The following INTS9 variants were observed in gnomAD, a reference collection of about 807,000 sequenced individuals.
INTS9 encodes protein related to CPSF subunits of 74 kDa.
A neutral mutation model predicts 79.7 loss-of-function variants in INTS9; 55 were observed. That is an observed-to-expected ratio of 0.69 (90% CI 0.56 to 0.86). The LOEUF (loss-of-function observed/expected upper bound fraction) is 0.86, where lower values mean the gene tolerates loss of function less well. Among genes scored for constraint, INTS9 ranks in the 40% least tolerant of loss-of-function variants. The pLI is 0.00. For missense variants in INTS9, 721 were observed against 831.5 expected, an observed-to-expected ratio of 0.87 and a Z score of 1.64; for synonymous variants, 319 against 325.2, an observed-to-expected ratio of 0.98 and a Z score of 0.20.
At chr8:28,841,530 T>G (rs755787204) in intron 4 of INTS9, among the ~76,000 whole-genome samples, 5 of 152,158 alleles carry the variant, frequency 3.3e-5, no homozygotes, top group Non-Finnish European at 7.3e-5. Flanking sequence ...CAAGAGTGTA[T>G]GCTTACATAA....
At chr8:28,777,090 T>C in intron 13 of INTS9, among the ~76,000 whole-genome samples, 1 of 152,124 alleles carries the variant, frequency 6.6e-6, no homozygotes, top group East Asian at 1.9e-4. Flanking sequence ...CTGTTTCCTG[T>C]TCCCCTGCCT....
chr8:28,866,209 G>A (rs182564431), intron 1 of INTS9, among the ~76,000 whole-genome samples: 7 of 152,130 alleles, frequency 4.6e-5, no homozygotes, highest in Non-Finnish European at 7.4e-5. Flanking sequence ...CATGTTACAC[G>A]ATTTTCTGAA....
At chr8:28,848,558 A>C (rs936803699) in intron 3 of INTS9, among the ~76,000 whole-genome samples, 1 of 152,228 alleles carries the variant, frequency 6.6e-6, no homozygotes, top group Admixed American at 6.5e-5. Context: ...TGTACCTGCC[A>C]GCTAAAAACA....
At chr8:28,874,725 T>C (rs1809284242) in intron 1 of INTS9, among the ~76,000 whole-genome samples, 2 of 152,210 alleles carry the variant, frequency 1.3e-5, no homozygotes, top group Non-Finnish European at 2.9e-5. Flanking sequence ...TTGCCTAACT[T>C]TCCCTTCTAA....
chr8:28,846,690 T>C, intron 4 of INTS9, 57 bp downstream of exon 4: 2 of 1,277,174 alleles, frequency 1.6e-6, no homozygotes, highest in African/African-American at 1.5e-5. Flanking sequence ...CTTGACTTCA[T>C]TTTGAGCAAT....
At chr8:28,863,856 G>A (rs113353387) in intron 1 of INTS9, among the ~76,000 whole-genome samples, 1,827 of 152,202 alleles carry the variant, frequency 0.012, 43 homozygotes, top group African/African-American at 0.042. Flanking sequence ...TGTATTAGAC[G>A]TTATCTGCTG....
intron 8 of INTS9, among the ~76,000 whole-genome samples, chr8:28,805,046 A>G (rs888469724): frequency 7.9e-5 from 12 of 152,208 alleles, no homozygotes; most frequent in African/African-American, 2.7e-4. Flanking sequence ...AAGAAAATCA[A>G]CCAGGAGTAA....
At chr8:28,886,279 A>AT (rs1437465297) in intron 1 of INTS9, among the ~76,000 whole-genome samples, 1 of 152,012 alleles carries the variant, frequency 6.6e-6, no homozygotes, top group Non-Finnish European at 1.5e-5. Flanking sequence ...ATAGGGTCTC[A>AT]TTTTGTCACC....
At chr8:28,884,347 C>A (rs1810068685) in intron 1 of INTS9, among the ~76,000 whole-genome samples, 1 of 151,574 alleles carries the variant, frequency 6.6e-6, no homozygotes, top group African/African-American at 2.4e-5. Context: ...CCAGGCCTAG[C>A]TAATTTTTAG....
Position 28,889,810 on chromosome 8 carries a change from A to T in INTS9, c.9+64T>A, listed in dbSNP as rs1166869731. The T allele has an allele frequency of 4.2e-5, 67 of 1,586,756 alleles. No homozygotes were observed. In the South Asian group the frequency reaches 6.5e-4, roughly 15 times the overall value. ...GCGACGATTCCCTGCCCAACGTAGG[A>T]AAAAAAGAGGTCCAAAAGGTTATAG... is the stretch of plus-strand genomic sequence containing the variant. On this transcript the variant is annotated intron_variant, in intron 1 of 16. Transcript: ENST00000521022.
rs147516551 is a variant in INTS9, at chr8:28,770,350, C to T, written c.1663-324G>A. The stretch of plus-strand genomic sequence containing the variant: ...AATACACTGTGTCGTGCTGCAGGTA[C>T]ATCATGACCCCGTGGCTGGGCACAC... On this transcript the variant is annotated intron_variant, in intron 15 of 16. Transcript: ENST00000521022. Among the ~76,000 whole-genome samples, 1,080 of 152,350 alleles carry T rather than the reference C, an allele frequency of 7.1e-3. 6 individuals carry two copies. Among genetic ancestry groups the T allele is most frequent in the Middle Eastern group, 0.017 (5 of 294 alleles).
rs558230950 is a variant in INTS9, at chr8:28,869,253, G to C, written c.10-9690C>G. ...GATGGGGTTTTGCCATGTTGCCCAG[G>C]CTGGTGTCGAACTTCTGGGCTCCAG... On this transcript the variant is annotated intron_variant, in intron 1 of 16. Transcript: ENST00000521022. 2.1e-4 allele frequency among the ~76,000 whole-genome samples: 32 copies of C among 152,216 alleles called. No homozygotes were observed. In the South Asian group the frequency reaches 5.8e-3, roughly 28 times the overall value.
chr8:28,823,987 T>C (rs1166103872), intron 6 of INTS9, among the ~76,000 whole-genome samples: 1 of 152,220 alleles, frequency 6.6e-6, no homozygotes, highest in Non-Finnish European at 1.5e-5. Context: ...TACATGAAGA[T>C]TTTCTTATTC....
intron 8 of INTS9, among the ~76,000 whole-genome samples, chr8:28,811,421 G>GC (rs1250277588): frequency 6.9e-6 from 1 of 144,112 alleles, no homozygotes; most frequent in African/African-American, 2.6e-5. Context: ...ACCATACCCG[G>GC]CCTTTTTTTT....
At chr8:28,771,114 C>T in intron 14 of INTS9, 34 bp from the exon 15 acceptor site, 3 of 1,388,694 alleles carry the variant, frequency 2.2e-6, no homozygotes, top group Non-Finnish European at 3.0e-6. Context: ...GGCTGGGGGC[C>T]TTTAATGATG....
chr8:28,816,237 T>C (rs1188218166), intron 6 of INTS9, among the ~76,000 whole-genome samples: 5 of 151,580 alleles, frequency 3.3e-5, no homozygotes, highest in African/African-American at 9.7e-5. Context: ...TGTGCCATGC[T>C]GGTGTGCTGC....
chr8:28,889,521 T>A (rs1226065251), intron 1 of INTS9, among the ~76,000 whole-genome samples: 1 of 152,168 alleles, frequency 6.6e-6, no homozygotes, highest in Non-Finnish European at 1.5e-5. Flanking sequence ...GCCAATCGAA[T>A]GGAAACGGAT....
intron 1 of INTS9, among the ~76,000 whole-genome samples, chr8:28,880,269 TCTCC>T (rs1809640968): frequency 2.7e-5 from 3 of 111,120 alleles, no homozygotes; most frequent in Non-Finnish European, 3.7e-5. Context: ...TCCCTCTCCC[TCTCC>T]CTCTCTCTCC....
chr8:28,858,474 C>T (rs532750115), intron 2 of INTS9, among the ~76,000 whole-genome samples: 2 of 152,290 alleles, frequency 1.3e-5, no homozygotes, highest in South Asian at 4.1e-4. Context: ...CCTCCCAATC[C>T]AGTTTTTGGG....
Sources: gnomAD v4.1 joint callset for allele counts (sites outside exome capture counted in the v4.1 genomes callset) on GRCh38, gnomAD v4.1.1 for gene constraint, MANE v1.5 for transcripts, NCBI Gene and HGNC (gene_info 2026-07-23, HGNC 2026-07-21) for gene names.